Variants in ANKRD44 observed in about 807,000 individuals in gnomAD.
ANKRD44 encodes the protein serine/threonine-protein phosphatase 6 regulatory ankyrin repeat subunit B.
Under a neutral mutation model 116.0 loss-of-function variants are expected in ANKRD44, and 35 were observed. The ratio of observed to expected loss-of-function variants is 0.30; its 90% CI spans 0.23 to 0.40. The LOEUF (loss-of-function observed/expected upper bound fraction) is 0.40. ANKRD44 is among the 10% of genes least tolerant of loss of function. ANKRD44 has a pLI of 1.00. For missense variants in ANKRD44, 1,014 were observed against 1,242.6 expected (o/e 0.82, Z 2.77); for synonymous variants, 435 against 461.8 (o/e 0.94, Z 0.74).
intron 7 of ANKRD44, among the ~76,000 whole-genome samples, chr2:197,122,072 C>T (rs1323636591): frequency 1.3e-5 from 2 of 152,182 alleles, no homozygotes; most frequent in African/African-American, 2.4e-5. Context: ...GCAGTGGTGC[C>T]GTCAGGAGGT....
At chr2:197,138,591 C>A (rs1330468925) in intron 3 of ANKRD44, among the ~76,000 whole-genome samples, 1 of 152,234 alleles carries the variant, frequency 6.6e-6, no homozygotes, top group Non-Finnish European at 1.5e-5. Context: ...TTTATCCCTT[C>A]AGATCTTCCA....
At position 197,193,591 on chromosome 2, in the gene ANKRD44, A is replaced by C. The variant is rs1468588783; in HGVS notation, c.28-6485T>G. On this transcript the variant is annotated intron_variant, in intron 1 of 27. Coordinates refer to ENST00000282272, the MANE Select transcript of ANKRD44 (RefSeq NM_001195144.2). ...ATTTTATAGATGTGTTTAAAAAATA[A>C]CGTAACGGCCAGGCGCGGTGGCTCA... is the stretch of plus-strand genomic sequence containing the variant. Among the ~76,000 whole-genome samples the C allele has an allele frequency of 2.0e-5, 3 of 152,176 alleles. No homozygotes were observed. The East Asian group carries it at 5.8e-4, about 29-fold the overall frequency.
At chr2:197,053,249 C>G (rs555133727) in intron 16 of ANKRD44, among the ~76,000 whole-genome samples, 24 of 152,196 alleles carry the variant, frequency 1.6e-4, no homozygotes, top group African/African-American at 5.5e-4. Flanking sequence ...CATTTGCGTA[C>G]ACAAGAAAAA....
At chr2:197,191,661 C>T (rs1036251626) in intron 1 of ANKRD44, among the ~76,000 whole-genome samples, 2 of 152,002 alleles carry the variant, frequency 1.3e-5, no homozygotes, top group African/African-American at 2.4e-5. Context: ...AATTTGTTAC[C>T]TGGGAGGTAA....
intron 3 of ANKRD44, among the ~76,000 whole-genome samples, chr2:197,146,825 T>C (rs1407434073): frequency 1.4e-4 from 22 of 152,206 alleles, no homozygotes; most frequent in Admixed American, 1.4e-3. Flanking sequence ...CAAAGCAAGA[T>C]AAAAATGTTA....
chr2:197,260,089 T>G (rs1254964936), intron 1 of ANKRD44, among the ~76,000 whole-genome samples: 3 of 152,186 alleles, frequency 2.0e-5, no homozygotes, highest in African/African-American at 2.4e-5. Context: ...TTTTAAAATT[T>G]TATTATTATT....
chr2:197,148,709 G>T (rs2079566809), intron 2 of ANKRD44, among the ~76,000 whole-genome samples: 1 of 152,098 alleles, frequency 6.6e-6, no homozygotes. Flanking sequence ...TAGAAAGTCT[G>T]GTAAGTAGGT....
intron 17 of ANKRD44, among the ~76,000 whole-genome samples, chr2:197,020,949 T>C (rs1553487751): frequency 6.6e-6 from 1 of 151,436 alleles, no homozygotes; most frequent in Non-Finnish European, 1.5e-5. Context: ...CCCTCCTCCC[T>C]CCCCCCATCC....
chr2:197,255,527 G>A (rs770554527), intron 1 of ANKRD44, among the ~76,000 whole-genome samples: 7 of 152,228 alleles, frequency 4.6e-5, no homozygotes, highest in Non-Finnish European at 1.0e-4. Flanking sequence ...TAGCAAGAAG[G>A]AATAAACCTA....
At position 197,310,745 on chromosome 2, in the gene ANKRD44, TCCG is replaced by T; in HGVS notation, c.-144_-142del. On this transcript the variant is annotated 5_prime_UTR_variant, in exon 1 of 28. Transcript: ENST00000282272. ...TTGACAGCCCTCCCCCTGCTCCTCCTCCGCCGCCGCCTCCTCCCGCCGAGAGGC... is the reference window on the plus strand; with the variant it reads ...TTGACAGCCCTCCCCCTGCTCCTCCTCCGCCGCCTCCTCCCGCCGAGAGGC... 3 of 816,136 alleles carry T rather than the reference TCCG, an allele frequency of 3.7e-6. No individual in the cohort carries two copies. The highest frequency in any genetic ancestry group is 4.8e-6 in the Non-Finnish European group (3 of 626,738). The allele number at this position is 816,136 out of a possible 1,614,324, so 50.6% of individuals were successfully genotyped here.
chr2:197,026,076 A>G (rs567102428), intron 16 of ANKRD44, among the ~76,000 whole-genome samples: 1 of 146,920 alleles, frequency 6.8e-6, no homozygotes, highest in Non-Finnish European at 1.5e-5. Flanking sequence ...TTTCTGGGCA[A>G]TTTGTGCATA....
intron 1 of ANKRD44, among the ~76,000 whole-genome samples, chr2:197,270,006 C>T (rs1303909544): frequency 6.6e-6 from 1 of 152,208 alleles, no homozygotes; most frequent in East Asian, 1.9e-4. Context: ...GATTGTCCCA[C>T]ACACTGCAGG....
intron 1 of ANKRD44, among the ~76,000 whole-genome samples, chr2:197,244,429 TTTTG>T (rs2082148815): frequency 6.6e-6 from 1 of 152,220 alleles, no homozygotes; most frequent in Admixed American, 6.5e-5. Context: ...AGGCAGTATT[TTTTG>T]TTTACCTTCC....
intron 1 of ANKRD44, among the ~76,000 whole-genome samples, chr2:197,226,394 G>A (rs1188924086): frequency 6.6e-6 from 1 of 152,142 alleles, no homozygotes; most frequent in Non-Finnish European, 1.5e-5. Context: ...GACCAGGCAC[G>A]GTGGCTCACG....
At chr2:197,174,139 T>C (rs2080307879) in intron 2 of ANKRD44, among the ~76,000 whole-genome samples, 1 of 152,254 alleles carries the variant, frequency 6.6e-6, no homozygotes, top group South Asian at 2.1e-4. Flanking sequence ...CTATCCCATT[T>C]TTCTAAGGTA....
At chr2:197,139,857 T>TGTG (rs2079315997) in intron 3 of ANKRD44, among the ~76,000 whole-genome samples, 2 of 90,278 alleles carry the variant, frequency 2.2e-5, no homozygotes, top group Admixed American at 2.2e-4. Flanking sequence ...TTTGTGTGTG[T>TGTG]GTGTGTGTGT....
intron 8 of ANKRD44, among the ~76,000 whole-genome samples, chr2:197,114,716 C>A (rs899312019): frequency 6.6e-6 from 1 of 152,106 alleles, no homozygotes; most frequent in Admixed American, 6.6e-5. Flanking sequence ...CTCAGTGGCC[C>A]TACTACAGAG....
chr2:197,101,663 C>T (rs1422327170), intron 9 of ANKRD44, among the ~76,000 whole-genome samples: 1 of 152,134 alleles, frequency 6.6e-6, no homozygotes. Flanking sequence ...ACACTTACTG[C>T]AAAAATATCT....
At chr2:197,289,718 G>C (rs529374699) in intron 1 of ANKRD44, among the ~76,000 whole-genome samples, 2 of 152,272 alleles carry the variant, frequency 1.3e-5, no homozygotes, top group South Asian at 4.1e-4. Context: ...GGAAGACAAA[G>C]AAGCAGAATA....
Sources: allele counts gnomAD v4.1 joint callset (sites outside exome capture counted in the v4.1 genomes callset), GRCh38; gene constraint gnomAD v4.1.1; transcripts MANE v1.5; gene names NCBI Gene and HGNC (gene_info 2026-07-23, HGNC 2026-07-21).